Variants in HPSE2 observed in about 807,000 individuals in gnomAD.
HPSE2 encodes the protein heparanase 2 (inactive).
A neutral mutation model predicts 60.5 loss-of-function variants in HPSE2; 38 were observed. That is an observed-to-expected ratio of 0.63 (90% CI 0.48 to 0.82). The LOEUF (loss-of-function observed/expected upper bound fraction) is 0.82. Among genes scored for constraint, HPSE2 ranks in the 40% least tolerant of loss-of-function variants. The pLI is 0.00. For synonymous variants in HPSE2, 295 were observed against 293.2 expected (o/e 1.01, Z -0.06); for missense variants, 713 against 740.4 (o/e 0.96, Z 0.43).
chr10:98,543,702 A>C (rs1333171619), intron 9 of HPSE2, among the ~76,000 whole-genome samples: 1 of 151,884 alleles, frequency 6.6e-6, no homozygotes, highest in Non-Finnish European at 1.5e-5. Flanking sequence ...AAACAGACTT[A>C]AAACCAACAA....
intron 3 of HPSE2, among the ~76,000 whole-genome samples, chr10:98,820,342 T>G (rs1014573547): frequency 6.6e-6 from 1 of 152,138 alleles, no homozygotes; most frequent in Non-Finnish European, 1.5e-5. Context: ...CCCAGGACCA[T>G]GTCAAACATT....
At chr10:98,925,945 C>T (rs903878723) in intron 3 of HPSE2, among the ~76,000 whole-genome samples, 2 of 152,052 alleles carry the variant, frequency 1.3e-5, no homozygotes, top group African/African-American at 4.8e-5. Context: ...GGGTTCTTGG[C>T]TGACTTCTTT....
intron 3 of HPSE2, among the ~76,000 whole-genome samples, chr10:98,955,301 G>A (rs1028709510): frequency 7.2e-5 from 11 of 152,198 alleles, no homozygotes; most frequent in South Asian, 2.1e-4. Context: ...AGCAAAGGAC[G>A]TGAACAGATA....
intron 2 of HPSE2, among the ~76,000 whole-genome samples, chr10:99,202,400 T>C (rs1040397306): frequency 1.3e-5 from 2 of 152,182 alleles, no homozygotes; most frequent in Non-Finnish European, 2.9e-5. Context: ...AAAATGATGA[T>C]ACTTTTAAAT....
intron 2 of HPSE2, 98 bp from the exon 3 acceptor site, chr10:99,144,497 A>G (rs1009819047): frequency 1.4e-6 from 2 of 1,392,318 alleles, no homozygotes; most frequent in African/African-American, 1.4e-5. Flanking sequence ...GACAGAATTA[A>G]TAAGCTACCA....
intron 5 of HPSE2, among the ~76,000 whole-genome samples, chr10:98,705,569 C>T (rs751780404): frequency 3.3e-5 from 5 of 152,160 alleles, no homozygotes; most frequent in Admixed American, 1.3e-4. Flanking sequence ...TGGAATAATA[C>T]GCAGCCTTAA....
At chr10:99,016,177 C>G (rs1957137263) in intron 3 of HPSE2, among the ~76,000 whole-genome samples, 1 of 152,140 alleles carries the variant, frequency 6.6e-6, no homozygotes, top group Non-Finnish European at 1.5e-5. Flanking sequence ...TTGAGTGTTG[C>G]ATTTAAGCCT....
chr10:98,985,967 C>A (rs373320827), intron 3 of HPSE2, among the ~76,000 whole-genome samples: 1 of 152,036 alleles, frequency 6.6e-6, no homozygotes, highest in Non-Finnish European at 1.5e-5. Context: ...ATGCACCCAA[C>A]ACAGGAGCAC....
chr10:98,837,834 A>C (rs1329250411), intron 3 of HPSE2, among the ~76,000 whole-genome samples: 1 of 151,884 alleles, frequency 6.6e-6, no homozygotes, highest in Non-Finnish European at 1.5e-5. Flanking sequence ...AGATCGTGCC[A>C]CTGCACTCCA....
intron 3 of HPSE2, among the ~76,000 whole-genome samples, chr10:98,821,636 C>T (rs901713800): frequency 1.3e-5 from 2 of 152,174 alleles, no homozygotes; most frequent in Non-Finnish European, 2.9e-5. Context: ...ACGTTTACAC[C>T]AACAGCCGTT....
the HPSE2 span, among the ~76,000 whole-genome samples, chr10:99,307,618 T>C: frequency 2.0e-5 from 3 of 152,162 alleles, no homozygotes; most frequent in Non-Finnish European, 4.4e-5. Context: ...CTGATCCTTA[T>C]GGTTATAGAG....
chr10:99,042,090 G>A (rs1957752491), intron 3 of HPSE2, among the ~76,000 whole-genome samples: 1 of 152,102 alleles, frequency 6.6e-6, no homozygotes, highest in East Asian at 1.9e-4. Flanking sequence ...GTGTTTCTCT[G>A]GGGTGGAAGT....
intron 3 of HPSE2, among the ~76,000 whole-genome samples, chr10:98,897,874 T>C (rs774456043): frequency 7.2e-5 from 11 of 151,992 alleles, no homozygotes; most frequent in Non-Finnish European, 1.5e-4. Flanking sequence ...AAACTTCTGC[T>C]CAGCAAAAGA....
intron 6 of HPSE2, among the ~76,000 whole-genome samples, chr10:98,669,429 C>G (rs1364043488): frequency 6.6e-6 from 1 of 152,216 alleles, no homozygotes; most frequent in Non-Finnish European, 1.5e-5. Flanking sequence ...AAGACACATG[C>G]ACTTCTATGT....
Position 98,579,984 on chromosome 10 carries a change from G to C in HPSE2, c.1320+34920C>G, listed in dbSNP as rs3936941. ...AAGTCTGCTACCCAGCTGGTGATTTGTGGACTTTCATGTCTGAAAATGTCA... is the reference window on the plus strand; with the variant it reads ...AAGTCTGCTACCCAGCTGGTGATTTCTGGACTTTCATGTCTGAAAATGTCA... On this transcript the variant is annotated intron_variant, in intron 9 of 11. Transcript: ENST00000370552. Among the ~76,000 whole-genome samples the C allele has an allele frequency of 1.4e-4, 21 of 152,238 alleles. No homozygotes were observed. In the South Asian group the frequency reaches 4.3e-3, roughly 32 times the overall value.
chr10:98,539,508 G>A (rs941717823), intron 9 of HPSE2, among the ~76,000 whole-genome samples: 3 of 152,198 alleles, frequency 2.0e-5, no homozygotes, highest in East Asian at 1.9e-4. Context: ...GCGACAGAGC[G>A]AGACTCTGTC....
At chr10:98,847,046 T>C (rs1350173175) in intron 3 of HPSE2, among the ~76,000 whole-genome samples, 1 of 152,192 alleles carries the variant, frequency 6.6e-6, no homozygotes, top group East Asian at 1.9e-4. Flanking sequence ...TGGGTGAAGT[T>C]AACCCAAGCT....
chr10:98,654,760 C>T (rs1000013034), intron 6 of HPSE2, among the ~76,000 whole-genome samples: 1 of 152,008 alleles, frequency 6.6e-6, no homozygotes, highest in African/African-American at 2.4e-5. Flanking sequence ...TTGCTTTTGG[C>T]TTACTTTCTA....
chr10:99,191,922 C>G (rs1229733140), intron 2 of HPSE2, among the ~76,000 whole-genome samples: 2 of 151,916 alleles, frequency 1.3e-5, no homozygotes, highest in Admixed American at 1.3e-4. Flanking sequence ...ATAAATTTAA[C>G]AAAGAAACTG....
Sources: gnomAD v4.1 joint callset for allele counts (sites outside exome capture counted in the v4.1 genomes callset) on GRCh38, gnomAD v4.1.1 for gene constraint, MANE v1.5 for transcripts, NCBI Gene and HGNC (gene_info 2026-07-23, HGNC 2026-07-21) for gene names.